Variants in CERS4 observed in about 807,000 individuals in gnomAD.
CERS4 encodes ceramide synthase 4, also known as LAG1 homolog, ceramide synthase 4.
In CERS4, 65 loss-of-function variants were observed where a neutral mutation model predicts 51.8. That is an observed-to-expected ratio of 1.26 (90% CI 1.03 to 1.54). The LOEUF is 1.54. Ranked by LOEUF, CERS4 falls within the 40% of genes most tolerant of loss-of-function variation. The pLI is 0.00. For synonymous variants in CERS4, 228 were observed against 208.4 expected (o/e 1.09, Z -0.81); for missense variants, 563 against 500.4 (o/e 1.13, Z -1.19).
chr19:8,254,236 T>G (rs1424027408), intron 3 of CERS4, among the ~76,000 whole-genome samples: 1 of 138,472 alleles, frequency 7.2e-6, no homozygotes, highest in East Asian at 2.2e-4. Context: ...GGCAGGAGAA[T>G]GGCGTGAACC....
intron 11 of CERS4, 38 bp from the exon 12 acceptor site, chr19:8,261,892 T>TC: frequency 6.2e-7 from 1 of 1,612,648 alleles, no homozygotes; most frequent in Non-Finnish European, 8.5e-7. Flanking sequence ...TCCTCCTTCC[T>TC]CCCTGCTCTG....
At chr19:8,260,811 C>T (rs893658101) in intron 10 of CERS4, among the ~76,000 whole-genome samples, 2 of 151,488 alleles carry the variant, frequency 1.3e-5, no homozygotes, top group African/African-American at 2.4e-5. Context: ...ATTAGCTGGG[C>T]GTGGTGGCAG....
chr19:8,212,065 A>AT (rs1348735228), intron 2 of CERS4, among the ~76,000 whole-genome samples: 1 of 152,040 alleles, frequency 6.6e-6, no homozygotes, highest in East Asian at 1.9e-4. Flanking sequence ...CAGTGGGCAA[A>AT]TTGCAGAGGA....
chr19:8,262,110 C>T lies in CERS4; in HGVS notation c.*1C>T. 4.8e-6 allele frequency: 7 copies of T among 1,466,836 alleles called. No homozygotes were observed. Among genetic ancestry groups the T allele is most frequent in the Non-Finnish European group, 5.4e-6 (6 of 1,112,174 alleles). The allele number at this position is 1,466,836 out of a possible 1,614,324, so 90.9% of individuals were successfully genotyped here. A position where few individuals can be genotyped will look rare whatever the true frequency, so the allele number is the denominator to read the frequency against. On this transcript the variant is annotated 3_prime_UTR_variant, in exon 12 of 12. Coordinates refer to ENST00000251363, the MANE Select transcript of CERS4 (RefSeq NM_024552.3). Reference sequence around the variant, plus strand: ...CAACAGGCACACAACAGCCACATAGCCGGGCGGGGCTGGCTGTAAGGGGTT... The same window carrying T: ...CAACAGGCACACAACAGCCACATAGTCGGGCGGGGCTGGCTGTAAGGGGTT...
In CERS4 at chr19:8,210,888, G is replaced by C. The variant is rs923595086; in HGVS notation, c.-2+26G>C. The C allele has an allele frequency of 1.3e-5, 2 of 152,242 alleles. No individual in the cohort carries two copies. Among genetic ancestry groups the C allele is most frequent in the Admixed American group, 6.6e-5 (1 of 15,262 alleles). 9.4% of individuals were successfully genotyped at this position (152,242 alleles called of 1,614,324 possible). ...GTACTTTGAGCCTGGGGTGTGGGGG[G>C]TGGGGGGCGGCCTTGGTCGTTGAAC... On this transcript the variant is annotated intron_variant, in intron 2 of 11. Coordinates refer to ENST00000251363, the MANE Select transcript of CERS4 (RefSeq NM_024552.3). This position sits in a 1 kb window ranked among gnomAD's most constrained non-coding sequence, Gnocchi z 4.2.
chr19:8,255,535 G>C (rs1599588885), intron 4 of CERS4, 72 bp from the exon 5 acceptor site: 1 of 1,362,732 alleles, frequency 7.3e-7, no homozygotes, highest in Non-Finnish European at 1.0e-6. Context: ...GCAGAGCCAA[G>C]TCCTGTCTGG....
intron 7 of CERS4, 104 bp downstream of exon 7, chr19:8,256,390 C>T: frequency 8.7e-6 from 11 of 1,261,864 alleles, no homozygotes; most frequent in Non-Finnish European, 1.1e-5. Context: ...ACTGTCATTC[C>T]CCACTGAGTC....
chr19:8,251,300 G>T, intron 3 of CERS4, 51 bp downstream of exon 3: 2 of 1,520,064 alleles, frequency 1.3e-6, no homozygotes, highest in Non-Finnish European at 1.8e-6. Context: ...GCTCCAGTAT[G>T]TGCTCGTGCC....
chr19:8,240,939 G>T (rs1358194986), intron 2 of CERS4, among the ~76,000 whole-genome samples: 3 of 151,990 alleles, frequency 2.0e-5, no homozygotes, highest in East Asian at 1.9e-4. Flanking sequence ...TTATCAGTTT[G>T]GTTCCCAGGT....
At chr19:8,256,343 T>C in intron 7 of CERS4, 57 bp downstream of exon 7, 1 of 1,589,252 alleles carries the variant, frequency 6.3e-7, no homozygotes, top group Non-Finnish European at 8.6e-7. Flanking sequence ...TCACAGTTGC[T>C]GCAGCCATGG....
intron 2 of CERS4, among the ~76,000 whole-genome samples, chr19:8,232,076 C>T (rs1336451409): frequency 6.6e-6 from 1 of 151,472 alleles, no homozygotes; most frequent in African/African-American, 2.4e-5. Context: ...GTAATCCTCC[C>T]ACCTCAGCCT....
chr19:8,232,889 ATTTT>A (rs34774744), intron 2 of CERS4, among the ~76,000 whole-genome samples: 2 of 59,172 alleles, frequency 3.4e-5, no homozygotes, highest in Admixed American at 2.1e-4. Flanking sequence ...TGCCTCGCTG[ATTTT>A]TTTTTTTTTT....
In CERS4 at chr19:8,256,695, T is replaced by G; in HGVS notation, c.597T>G (p.Phe199Leu). 1 of 1,613,706 alleles carries G rather than the reference T, an allele frequency of 6.2e-7. No homozygotes were observed. The change falls in exon 8 of 12, where the codon TTT (phenylalanine) becomes TTG (leucine). Residue 199 changes from phenylalanine to leucine, a missense_variant. Transcript: ENST00000251363. ...TCTCACTGCTAATCAGGCTGCCCTT[T>G]GATGTCAAGCGCAAGGTGAGGCCAA... ...FYLSLLIRLP[F>L]DVKRKDFKEQ...
intron 2 of CERS4, among the ~76,000 whole-genome samples, chr19:8,212,903 C>T (rs1218048415): frequency 6.6e-6 from 1 of 151,934 alleles, no homozygotes; most frequent in Non-Finnish European, 1.5e-5. Flanking sequence ...CTGCCTCGGC[C>T]TCCCAAAGTG....
intron 2 of CERS4, among the ~76,000 whole-genome samples, chr19:8,248,944 T>C (rs368284428): frequency 6.7e-6 from 1 of 148,814 alleles, no homozygotes; most frequent in East Asian, 2.1e-4. Context: ...AGGTGGATGA[T>C]GGATAATGGG....
At chr19:8,252,369 T>TA (rs57107362) in intron 3 of CERS4, among the ~76,000 whole-genome samples, 136,589 of 144,466 alleles carry the variant, frequency 0.95, 64,632 homozygotes, top group Middle Eastern at 0.98. Flanking sequence ...AAACTCCATC[T>TA]AAAAAAAAAA....
intron 3 of CERS4, among the ~76,000 whole-genome samples, chr19:8,252,479 C>T (rs930657666): frequency 6.6e-6 from 1 of 151,658 alleles, no homozygotes; most frequent in African/African-American, 2.4e-5. Flanking sequence ...TGCTCTTTCA[C>T]CTTGGCTGGA....
Position 8,261,912 on chromosome 19 carries a change from CCTCT to C in CERS4, c.1006-13_1006-10del. ...CTTCCTCCCTGCTCTGAGCTCCATCCCTCTCTCTGTTCCCCAGATGGAGAAGGAC... is the reference window on the plus strand; with the variant it reads ...CTTCCTCCCTGCTCTGAGCTCCATCCCTCTGTTCCCCAGATGGAGAAGGAC... On this transcript the variant is annotated splice_polypyrimidine_tract_variant and intron_variant, in intron 11 of 11. Transcript: ENST00000251363. 1 of 1,610,198 alleles carries C rather than the reference CCTCT, an allele frequency of 6.2e-7. No homozygotes were observed. The highest frequency in any genetic ancestry group is 8.5e-7 in the Non-Finnish European group (1 of 1,177,438).
In CERS4 at chr19:8,255,866, C is replaced by T. The variant is rs1478814187; in HGVS notation, c.455C>T (p.Ser152Leu). 12 of 1,613,912 alleles carry T rather than the reference C, an allele frequency of 7.4e-6. No individual in the cohort carries two copies. Among genetic ancestry groups the T allele is most frequent in the African/African-American group, 5.3e-5 (4 of 75,044 alleles). The change falls in exon 6 of 12, where the codon TCG (serine) becomes TTG (leucine). Residue 152 changes from serine to leucine, a missense_variant. Coordinates refer to ENST00000251363, the MANE Select transcript of CERS4 (RefSeq NM_024552.3). ...FYLSSFVGGL[S>L]VLYHESWLWA... ...CTGTCCTCCTTCGTGGGCGGCCTCT[C>T]GGTCCTGTACCACGTGAGTATACCA... is the stretch of plus-strand genomic sequence containing the variant.
Sources: allele counts gnomAD v4.1 joint callset (sites outside exome capture counted in the v4.1 genomes callset), GRCh38; gene constraint gnomAD v4.1.1; non-coding constraint Gnocchi (gnomAD v3.1); transcripts MANE v1.5; gene names NCBI Gene and HGNC (gene_info 2026-07-23, HGNC 2026-07-21).